The following LIN7A variants were observed in gnomAD, a reference collection of about 807,000 sequenced individuals.
LIN7A encodes the protein lin-7 cell polarity scaffold A, also known as protein lin-7 homolog A.
Under a neutral mutation model 29.8 loss-of-function variants are expected in LIN7A, and 25 were observed. The ratio of observed to expected loss-of-function variants is 0.84; its 90% CI spans 0.61 to 1.17. The LOEUF is 1.17. LIN7A is among the 50% of genes most tolerant of loss of function. The pLI, the probability that LIN7A is intolerant of heterozygous loss-of-function variation, is 0.00. For missense variants in LIN7A, 239 were observed against 287.0 expected (o/e 0.83, Z 1.21); for synonymous variants, 118 against 107.5 (o/e 1.10, Z -0.60).
At chr12:80,915,511 C>A (rs7136415) in intron 1 of LIN7A, among the ~76,000 whole-genome samples, 1 of 152,064 alleles carries the variant, frequency 6.6e-6, no homozygotes, top group African/African-American at 2.4e-5. Flanking sequence ...ACATGGAAAC[C>A]CCATTACTGG....
chr12:80,831,868 C>T (rs975118467), intron 4 of LIN7A, among the ~76,000 whole-genome samples: 1 of 152,078 alleles, frequency 6.6e-6, no homozygotes, highest in Non-Finnish European at 1.5e-5. Flanking sequence ...TAATAATTAT[C>T]ATGTAATTTA....
chr12:80,890,229 G>A (rs1395787163), intron 1 of LIN7A, among the ~76,000 whole-genome samples: 1 of 152,094 alleles, frequency 6.6e-6, no homozygotes, highest in Non-Finnish European at 1.5e-5. Flanking sequence ...TCAATAAAGA[G>A]TCATTTAAAA....
intron 2 of LIN7A, among the ~76,000 whole-genome samples, chr12:80,858,095 T>A (rs990724682): frequency 4.7e-4 from 72 of 152,148 alleles, no homozygotes; most frequent in Admixed American, 3.3e-4. Flanking sequence ...TCTTCAAAAG[T>A]GTCTACCAAT....
chr12:80,865,851 T>A (rs1335063191), intron 2 of LIN7A, among the ~76,000 whole-genome samples: 1 of 152,218 alleles, frequency 6.6e-6, no homozygotes, highest in African/African-American at 2.4e-5. Flanking sequence ...CAAAGAATTG[T>A]TACCAGGATT....
chr12:80,927,150 T>C (rs918799018), intron 1 of LIN7A, among the ~76,000 whole-genome samples: 1 of 136,974 alleles, frequency 7.3e-6, no homozygotes, highest in Non-Finnish European at 1.6e-5. Flanking sequence ...TTTTCTTTTC[T>C]TTTTCTTTTT....
intron 1 of LIN7A, among the ~76,000 whole-genome samples, chr12:80,923,699 A>G (rs1036619447): frequency 6.6e-6 from 1 of 152,038 alleles, no homozygotes; most frequent in Admixed American, 6.6e-5. Context: ...CCTGTGCCTC[A>G]ATTGTTCCTT....
chr12:80,807,260 C>A (rs958507302), intron 5 of LIN7A, among the ~76,000 whole-genome samples: 1 of 151,630 alleles, frequency 6.6e-6, no homozygotes, highest in African/African-American at 2.4e-5. Flanking sequence ...TTAGTAGAGA[C>A]GGGGTTTCAC....
intron 1 of LIN7A, among the ~76,000 whole-genome samples, chr12:80,928,202 T>G (rs1159691723): frequency 3.9e-5 from 6 of 152,220 alleles, no homozygotes; most frequent in Admixed American, 3.9e-4. Context: ...GCATGATTTA[T>G]AATCCTTTGG....
At chr12:80,914,779 G>A (rs911250078) in intron 1 of LIN7A, among the ~76,000 whole-genome samples, 2 of 152,120 alleles carry the variant, frequency 1.3e-5, no homozygotes, top group African/African-American at 4.8e-5. Flanking sequence ...TGTGGCTCAT[G>A]CCTGTAATCT....
chr12:80,884,750 C>T (rs1875240820), intron 2 of LIN7A, among the ~76,000 whole-genome samples: 1 of 152,126 alleles, frequency 6.6e-6, no homozygotes, highest in Admixed American at 6.5e-5. Flanking sequence ...TTCTATACTT[C>T]TACTACTTTA....
chr12:80,889,903 T>G (rs1391772705), intron 1 of LIN7A, among the ~76,000 whole-genome samples: 1 of 152,172 alleles, frequency 6.6e-6, no homozygotes, highest in East Asian at 1.9e-4. Context: ...TTAAAATTAA[T>G]GCACTTTTTC....
chr12:80,856,791 T>C (rs1873623282), intron 2 of LIN7A, among the ~76,000 whole-genome samples: 1 of 152,204 alleles, frequency 6.6e-6, no homozygotes, highest in Admixed American at 6.5e-5. Flanking sequence ...TGACAAGATG[T>C]ATCTGACAAC....
chr12:80,828,772 AAAAT>A (rs145880423), intron 4 of LIN7A, among the ~76,000 whole-genome samples: 14,797 of 152,034 alleles, frequency 0.097, 773 homozygotes, highest in East Asian at 0.18. Flanking sequence ...TTTGTATTTA[AAAAT>A]AAATAAATAA....
In LIN7A at chr12:80,795,345, C is replaced by G. The variant is rs1034843434; in HGVS notation, c.*2382G>C. The G allele has an allele frequency of 6.6e-6, 1 of 151,860 alleles. No individual in the cohort carries two copies. Among genetic ancestry groups the G allele is most frequent in the Non-Finnish European group, 1.5e-5 (1 of 67,944 alleles). 9.4% of individuals were successfully genotyped at this position (151,860 alleles called of 1,614,324 possible). A position where few individuals can be genotyped will look rare whatever the true frequency, so the allele number is the denominator to read the frequency against. ...TCATTTGTATATGAGACCACTCTGA[C>G]GTATAATCCATCCTTAGATGTCCTA... is the stretch of plus-strand genomic sequence containing the variant. On this transcript the variant is annotated 3_prime_UTR_variant, in exon 6 of 6. Coordinates refer to ENST00000552864, the MANE Select transcript of LIN7A (RefSeq NM_004664.4).
rs1236423581 is a variant in LIN7A at position 80,794,237 on chromosome 12, C to T, written c.*3490G>A. 1 of 152,014 alleles carries T rather than the reference C, an allele frequency of 6.6e-6. No individual in the cohort carries two copies. The highest frequency in any genetic ancestry group is 2.4e-5 in the African/African-American group (1 of 41,380). 9.4% of individuals were successfully genotyped at this position (152,014 alleles called of 1,614,324 possible). On this transcript the variant is annotated 3_prime_UTR_variant, in exon 6 of 6. Coordinates refer to ENST00000552864, the MANE Select transcript of LIN7A (RefSeq NM_004664.4). Reference sequence around the variant, plus strand: ...CAAATACCGAGTGCCTACATTGTGCCAGGCAGTGGTCAAGGCAGTCACAGC... The same window carrying T: ...CAAATACCGAGTGCCTACATTGTGCTAGGCAGTGGTCAAGGCAGTCACAGC...
At position 80,920,821 on chromosome 12, in the gene LIN7A, A is replaced by C. The variant is rs910426223; in HGVS notation, c.82+16820T>G. On this transcript the variant is annotated intron_variant, in intron 1 of 5. Coordinates refer to ENST00000552864, the MANE Select transcript of LIN7A (RefSeq NM_004664.4). The stretch of plus-strand genomic sequence containing the variant: ...AGATTTCTTAAGGCAGAGAAGAAAA[A>C]TAAAACTAAGCAAAAAACAGGAATA... Among the ~76,000 whole-genome samples, 6 of 152,232 alleles carry C rather than the reference A, an allele frequency of 3.9e-5. No individual in the cohort carries two copies. In the South Asian group the frequency reaches 1.2e-3, roughly 31 times the overall value.
chr12:80,871,294 T>C (rs1445271523), intron 2 of LIN7A, among the ~76,000 whole-genome samples: 1 of 152,188 alleles, frequency 6.6e-6, no homozygotes, highest in Non-Finnish European at 1.5e-5. Flanking sequence ...CCCTTGGAGT[T>C]AACACACAAC....
chr12:80,884,958 A>C (rs1445829218), intron 2 of LIN7A, among the ~76,000 whole-genome samples: 1 of 152,164 alleles, frequency 6.6e-6, no homozygotes, highest in Non-Finnish European at 1.5e-5. Flanking sequence ...AGGAGCATGA[A>C]TATTTTACAA....
At chr12:80,820,988 T>A (rs1382076783) in intron 4 of LIN7A, among the ~76,000 whole-genome samples, 3 of 152,168 alleles carry the variant, frequency 2.0e-5, no homozygotes, top group African/African-American at 7.2e-5. Flanking sequence ...CAGGTCTGCA[T>A]TAGGATAGGG....
Sources: allele counts gnomAD v4.1 joint callset (sites outside exome capture counted in the v4.1 genomes callset), GRCh38; gene constraint gnomAD v4.1.1; transcripts MANE v1.5; gene names NCBI Gene and HGNC (gene_info 2026-07-23, HGNC 2026-07-21).